The following SGCZ variants were observed in gnomAD, a reference collection of about 807,000 sequenced individuals.
SGCZ encodes zeta-sarcoglycan.
A neutral mutation model predicts 41.3 loss-of-function variants in SGCZ; 40 were observed. The ratio of observed to expected loss-of-function variants is 0.97; its 90% confidence interval spans 0.75 to 1.26. SGCZ has a LOEUF of 1.26. SGCZ is among the 50% of genes most tolerant of loss of function. SGCZ has a pLI of 0.00. For synonymous variants in SGCZ, 206 were observed against 137.5 expected (o/e 1.50, Z -3.49); for missense variants, 552 against 369.8 (o/e 1.49, Z -4.04).
At chr8:14,815,022 G>C (rs1801860665) in intron 1 of SGCZ, among the ~76,000 whole-genome samples, 1 of 152,066 alleles carries the variant, frequency 6.6e-6, no homozygotes, top group Non-Finnish European at 1.5e-5. Context: ...TGATGTGCCT[G>C]ATTTGAAAAC....
At chr8:14,487,933 C>G (rs1801723984) in intron 2 of SGCZ, 1 of 148,810 alleles carries the variant, frequency 6.7e-6, no homozygotes, top group Non-Finnish European at 1.5e-5. Flanking sequence ...AAGTTTAATT[C>G]TGTTTTATCT....
chr8:15,067,355 G>T (rs528635541), intron 1 of SGCZ, among the ~76,000 whole-genome samples: 4 of 152,288 alleles, frequency 2.6e-5, no homozygotes, highest in Non-Finnish European at 5.9e-5. Context: ...AAAAAGCCAT[G>T]TGTTTTAGAA....
intron 2 of SGCZ, among the ~76,000 whole-genome samples, chr8:14,340,212 C>A (rs916071098): frequency 6.6e-6 from 1 of 151,912 alleles, no homozygotes; most frequent in African/African-American, 2.4e-5. Flanking sequence ...ATTAATGTAT[C>A]CAGTTAAGAT....
At chr8:15,047,124 G>C (rs750261143) in intron 1 of SGCZ, among the ~76,000 whole-genome samples, 5 of 151,628 alleles carry the variant, frequency 3.3e-5, no homozygotes, top group Non-Finnish European at 7.4e-5. Context: ...CCTTACCTTG[G>C]GTATATGCAA....
intron 3 of SGCZ, among the ~76,000 whole-genome samples, chr8:14,239,899 CTCAAAAAAAAAAAAAAAA>C (rs1798802844): frequency 2.4e-5 from 2 of 83,452 alleles, no homozygotes; most frequent in Non-Finnish European, 2.2e-5. Context: ...GAGACTCCGT[CTCAAAAAAAAAAAAAAAA>C]AAAAAAAAAA....
chr8:14,687,626 G>A (rs897005930), intron 1 of SGCZ, among the ~76,000 whole-genome samples: 2 of 151,734 alleles, frequency 1.3e-5, no homozygotes, highest in African/African-American at 2.4e-5. Flanking sequence ...CCAAGTCTTT[G>A]CTATTGTGAA....
At chr8:15,061,542 A>AC (rs1804933270) in intron 1 of SGCZ, among the ~76,000 whole-genome samples, 2 of 151,260 alleles carry the variant, frequency 1.3e-5, no homozygotes, top group African/African-American at 2.4e-5. Context: ...AAAAAAAAAA[A>AC]CAGGAAAAAA....
intron 2 of SGCZ, among the ~76,000 whole-genome samples, chr8:14,465,321 C>T (rs978138566): frequency 6.6e-6 from 1 of 151,452 alleles, no homozygotes; most frequent in Non-Finnish European, 1.5e-5. Flanking sequence ...ATATAATGTC[C>T]TTTTCTTGTG....
At chr8:14,260,091 C>A (rs552666819) in intron 3 of SGCZ, among the ~76,000 whole-genome samples, 136 of 152,162 alleles carry the variant, frequency 8.9e-4, no homozygotes, top group Middle Eastern at 3.4e-3. Flanking sequence ...AATGGGAGTT[C>A]ACTCATGATT....
intron 1 of SGCZ, among the ~76,000 whole-genome samples, chr8:14,696,738 T>C (rs1285326956): frequency 1.3e-5 from 2 of 151,710 alleles, no homozygotes; most frequent in Non-Finnish European, 2.9e-5. Flanking sequence ...ATGCTGCCTT[T>C]AACATCAGTA....
chr8:14,128,853 C>T lies in SGCZ; in HGVS notation c.548-20618G>A, dbSNP rs368707085. Among the ~76,000 whole-genome samples the T allele has an allele frequency of 2.6e-4, 39 of 152,142 alleles. No homozygotes were observed. In the South Asian group the frequency reaches 3.7e-3, roughly 15 times the overall value. ...AATGATTCAGAAACAAAGTCAAAAA[C>T]GACATATTCTCACTTCTAAGTGGGA... is the stretch of plus-strand genomic sequence containing the variant. On this transcript the variant is annotated intron_variant, in intron 5 of 7. Transcript: ENST00000382080.
intron 1 of SGCZ, among the ~76,000 whole-genome samples, chr8:14,621,345 G>C (rs1312396862): frequency 6.6e-6 from 1 of 150,376 alleles, no homozygotes; most frequent in Non-Finnish European, 1.5e-5. Flanking sequence ...TAAATGACAA[G>C]TTAACGGGTG....
chr8:14,098,190 C>A (rs1801903479), intron 7 of SGCZ, among the ~76,000 whole-genome samples: 1 of 152,082 alleles, frequency 6.6e-6, no homozygotes, highest in Non-Finnish European at 1.5e-5. Flanking sequence ...AGTTAAAAAG[C>A]ATGATTACAG....
intron 2 of SGCZ, among the ~76,000 whole-genome samples, chr8:14,477,678 C>G (rs962838722): frequency 2.0e-5 from 3 of 152,128 alleles, no homozygotes; most frequent in African/African-American, 4.8e-5. Flanking sequence ...ACTTTCTAAA[C>G]ATAAATTTTT....
At chr8:14,571,517 T>C (rs1408077199) in intron 1 of SGCZ, among the ~76,000 whole-genome samples, 1 of 152,168 alleles carries the variant, frequency 6.6e-6, no homozygotes, top group Non-Finnish European at 1.5e-5. Flanking sequence ...CCAAAGCACA[T>C]GCTCCAAAAC....
intron 2 of SGCZ, among the ~76,000 whole-genome samples, chr8:14,417,608 A>T (rs749981393): frequency 1.3e-5 from 2 of 151,842 alleles, no homozygotes; most frequent in Non-Finnish European, 2.9e-5. Flanking sequence ...ACATAGAAGT[A>T]ATATTTACAA....
intron 1 of SGCZ, among the ~76,000 whole-genome samples, chr8:14,820,485 C>A (rs1191332053): frequency 6.6e-6 from 1 of 151,954 alleles, no homozygotes; most frequent in Non-Finnish European, 1.5e-5. Context: ...GTACCATAAA[C>A]CAAATGGACT....
chr8:14,272,147 G>A (rs1463947196), intron 3 of SGCZ, among the ~76,000 whole-genome samples: 2 of 152,094 alleles, frequency 1.3e-5, no homozygotes, highest in Non-Finnish European at 2.9e-5. Context: ...GGGACTACAG[G>A]TGCCTGCCAC....
chr8:14,278,529 CAA>C (rs1226873305), intron 3 of SGCZ, among the ~76,000 whole-genome samples: 1 of 151,862 alleles, frequency 6.6e-6, no homozygotes, highest in Non-Finnish European at 1.5e-5. Context: ...CCCAACTACT[CAA>C]AGTTATAGCG....
Sources: gnomAD v4.1 joint callset for allele counts (sites outside exome capture counted in the v4.1 genomes callset) on GRCh38, gnomAD v4.1.1 for gene constraint, MANE v1.5 for transcripts, NCBI Gene and HGNC (gene_info 2026-07-23, HGNC 2026-07-21) for gene names.